Variants in RBBP4 observed in about 807,000 individuals in gnomAD.
The protein encoded by RBBP4 is RB binding protein 4, chromatin remodeling factor, also known as histone-binding protein RBBP4.
In RBBP4, 3 loss-of-function variants were observed where a neutral mutation model predicts 57.2. That is an observed-to-expected ratio of 0.05 (90% CI 0.02 to 0.14). The LOEUF (loss-of-function observed/expected upper bound fraction) is 0.14. Ranked by LOEUF, RBBP4 falls within the 10% of genes least tolerant of loss-of-function variation. RBBP4 has a pLI of 1.00. For missense variants in RBBP4, 107 were observed against 520.6 expected (o/e 0.21, Z 7.73); for synonymous variants, 151 against 171.5 (o/e 0.88, Z 0.93).
rs1195386125 is a variant in RBBP4 at position 32,683,897 on chromosome 1, T to C, written c.*4192T>C. On this transcript the variant is annotated 3_prime_UTR_variant, in exon 12 of 12. Coordinates refer to ENST00000373493, the MANE Select transcript of RBBP4 (RefSeq NM_005610.3). ...ATCCACCCTCCTCAGCCTCCCAAAG[T>C]GCTAGGATTACAGGCGTGAGCCACC... 1 of 1,007,528 alleles carries C rather than the reference T, an allele frequency of 9.9e-7. No homozygotes were observed. Among genetic ancestry groups the C allele is most frequent in the Admixed American group, 2.0e-5 (1 of 49,438 alleles). 62.4% of individuals were successfully genotyped at this position (1,007,528 alleles called of 1,614,324 possible).
At position 32,685,563 on chromosome 1, in the gene RBBP4, C is replaced by G. The variant is rs1391278394; in HGVS notation, c.*5858C>G. On this transcript the variant is annotated 3_prime_UTR_variant, in exon 12 of 12. Coordinates refer to ENST00000373493, the MANE Select transcript of RBBP4 (RefSeq NM_005610.3). ...GTCATACTTGACATTGTACCTGTGGCACATCAATCCGCACTGTTTGATACT... is the reference window on the plus strand; with the variant it reads ...GTCATACTTGACATTGTACCTGTGGGACATCAATCCGCACTGTTTGATACT... The G allele has an allele frequency of 6.6e-6, 1 of 152,182 alleles. No homozygotes were observed. The highest frequency in any genetic ancestry group is 1.5e-5 in the Non-Finnish European group (1 of 68,050). 9.4% of individuals were successfully genotyped at this position (152,182 alleles called of 1,614,324 possible).
At chr1:32,675,626 G>A (rs566733950) in intron 11 of RBBP4, among the ~76,000 whole-genome samples, 2 of 151,628 alleles carry the variant, frequency 1.3e-5, no homozygotes, top group Non-Finnish European at 1.5e-5. Context: ...AAAATTAGCC[G>A]GGCGTGGTGG....
intron 11 of RBBP4, among the ~76,000 whole-genome samples, chr1:32,674,731 A>G (rs1441870736): frequency 4.9e-5 from 7 of 143,594 alleles, no homozygotes; most frequent in Non-Finnish European, 1.1e-4. Context: ...TTTTTTTTTA[A>G]TTTTTTTTTT....
Position 32,681,630 on chromosome 1 carries a change from A to G in RBBP4, c.*1925A>G, listed in dbSNP as rs1649441613. 1.5e-6 allele frequency: 1 copy of G among 650,414 alleles called. No homozygotes were observed. Among genetic ancestry groups the G allele is most frequent in the East Asian group, 2.8e-5 (1 of 36,334 alleles). 40.3% of individuals were successfully genotyped at this position (650,414 alleles called of 1,614,324 possible). On this transcript the variant is annotated 3_prime_UTR_variant, in exon 12 of 12. Coordinates refer to ENST00000373493, the MANE Select transcript of RBBP4 (RefSeq NM_005610.3). The stretch of plus-strand genomic sequence containing the variant: ...GCATTGAGATCAGTATCAACAGCAG[A>G]TGAAATAGAATCCAGCAAAGAGTTG...
chr1:32,653,637 G>GTTT lies in RBBP4; in HGVS notation c.164+1596_164+1598dup, dbSNP rs1053666893. Among the ~76,000 whole-genome samples the GTTT allele has an allele frequency of 1.8e-3, 37 of 20,780 alleles. 1 individual carries two copies. Among genetic ancestry groups the GTTT allele is most frequent in the South Asian group, 5.0e-3 (1 of 200 alleles). 13.6% of individuals were successfully genotyped at this position (20,780 alleles called of 152,430 possible). ...TGCTTTGTGTGTTTTTTGTTTTCTG[G>GTTT]TTTTTTTTTTTTTTTTTTTTTTGTT... On this transcript the variant is annotated intron_variant, in intron 2 of 11. Transcript: ENST00000373493.
intron 11 of RBBP4, among the ~76,000 whole-genome samples, chr1:32,675,742 C>T (rs1201292900): frequency 1.3e-5 from 2 of 151,894 alleles, no homozygotes; most frequent in Non-Finnish European, 2.9e-5. Context: ...GCACTCTAGC[C>T]TGGGTGACAG....
At chr1:32,665,090 A>G (rs1648587261) in intron 3 of RBBP4, among the ~76,000 whole-genome samples, 1 of 140,862 alleles carries the variant, frequency 7.1e-6, no homozygotes, top group Admixed American at 8.2e-5. Context: ...AAAAAAACTT[A>G]TGTGTGACGC....
At position 32,669,431 on chromosome 1, in the gene RBBP4, A is replaced by G. The variant is rs1648778369; in HGVS notation, c.889-55A>G. 1 of 1,565,594 alleles carries G rather than the reference A, an allele frequency of 6.4e-7. No homozygotes were observed. Among genetic ancestry groups the G allele is most frequent in the Non-Finnish European group, 8.6e-7 (1 of 1,163,414 alleles). On this transcript the variant is annotated intron_variant, in intron 7 of 11. Transcript: ENST00000373493. This position sits in a 1 kb window ranked among gnomAD's most constrained non-coding sequence, Gnocchi z 4.9. ...TGAATTGCAGAGATATTTTACTTAC[A>G]GTATTTTTTTTTTCTTAAAAAATTG...
At position 32,669,617 on chromosome 1, in the gene RBBP4, G is replaced by A. The variant is rs576948699; in HGVS notation, c.966+54G>A. Reference sequence around the variant, plus strand: ...TTGTTTTAAGAAAAACCTGCTGGGCGCGGTCGCTCACGCCTGTAATCCCAG... The same window carrying A: ...TTGTTTTAAGAAAAACCTGCTGGGCACGGTCGCTCACGCCTGTAATCCCAG... On this transcript the variant is annotated intron_variant, in intron 8 of 11. Transcript: ENST00000373493. This position sits in a 1 kb window ranked among gnomAD's most constrained non-coding sequence, Gnocchi z 4.9. The A allele has an allele frequency of 4.5e-5, 71 of 1,564,978 alleles. No individual in the cohort carries two copies. The Admixed American group carries it at 6.8e-4, about 15-fold the overall frequency.
At chr1:32,668,486 G>A (rs964350897) in intron 4 of RBBP4, 88 bp downstream of exon 4, 3 of 1,313,378 alleles carry the variant, frequency 2.3e-6, no homozygotes, top group Non-Finnish European at 3.2e-6. Flanking sequence ...ATGTTACTCT[G>A]TGTAATTTAA....
chr1:32,668,958 A>G lies in RBBP4; in HGVS notation c.601-14A>G. On this transcript the variant is annotated splice_polypyrimidine_tract_variant and intron_variant, in intron 5 of 11. Transcript: ENST00000373493. Reference sequence around the variant, plus strand: ...GAATCTTCCTTTTATATAATGGTTAATTTTACATTTAAGACCATCTGCCTG... The same window carrying G: ...GAATCTTCCTTTTATATAATGGTTAGTTTTACATTTAAGACCATCTGCCTG... 1.2e-6 allele frequency: 2 copies of G among 1,613,926 alleles called. No homozygotes were observed. Among genetic ancestry groups the G allele is most frequent in the African/African-American group, 1.3e-5 (1 of 74,984 alleles).
chr1:32,662,281 G>C (rs1404281693), intron 3 of RBBP4: 2 of 279,924 alleles, frequency 7.1e-6, no homozygotes, highest in Non-Finnish European at 1.6e-5. Context: ...TGCAGCCTCC[G>C]CCTCCTGGGT....
At chr1:32,676,370 C>T (rs1570871991) in intron 11 of RBBP4, among the ~76,000 whole-genome samples, 1 of 151,910 alleles carries the variant, frequency 6.6e-6, no homozygotes, top group Admixed American at 6.6e-5. Flanking sequence ...TTTGGGAGGC[C>T]GAGGTGGGCA....
At position 32,684,403 on chromosome 1, in the gene RBBP4, C is replaced by T. The variant is rs375672500; in HGVS notation, c.*4698C>T. ...TGTTCCTGCATGAGATGGCCAAGAA[C>T]ATTTCTAATGAGCCAAACAATAAAA... On this transcript the variant is annotated 3_prime_UTR_variant, in exon 12 of 12. Transcript: ENST00000373493. 6.6e-5 allele frequency: 107 copies of T among 1,613,912 alleles called. No homozygotes were observed. Among genetic ancestry groups the T allele is most frequent in the Non-Finnish European group, 8.6e-5 (102 of 1,179,988 alleles).
Position 32,672,657 on chromosome 1 carries a change from A to G in RBBP4, c.1059A>G (p.Glu353=). The part of the protein sequence containing the change: ...NVWDLSKIGE[E]QSPEDAEDGP... ...TTTGTACTAGTAAAATTGGAGAGGA[A>G]CAATCCCCAGAAGATGCAGAAGACG... Residue 353 remains glutamate, a synonymous_variant, in exon 10 of 12, where the codon GAA becomes GAG. Transcript: ENST00000373493. 6.2e-7 allele frequency: 1 copy of G among 1,614,094 alleles called. No homozygotes were observed. The highest frequency in any genetic ancestry group is 8.5e-7 in the Non-Finnish European group (1 of 1,179,924).
intron 3 of RBBP4, among the ~76,000 whole-genome samples, chr1:32,662,968 C>T (rs1461584626): frequency 2.0e-5 from 3 of 151,808 alleles, no homozygotes; most frequent in Non-Finnish European, 4.4e-5. Context: ...GCCTGGGTGA[C>T]GAGCAAGACT....
At chr1:32,672,959 T>C (rs1361140376) in intron 11 of RBBP4, 58 bp downstream of exon 11, 4 of 1,330,366 alleles carry the variant, frequency 3.0e-6, no homozygotes, top group Non-Finnish European at 4.3e-6. Flanking sequence ...AGAATCAATT[T>C]ACATTTGTAT....
At position 32,651,229 on chromosome 1, in the gene RBBP4, C is replaced by G; in HGVS notation, c.-78C>G. 2.0e-6 allele frequency: 3 copies of G among 1,503,518 alleles called. No individual in the cohort carries two copies. Among genetic ancestry groups the G allele is most frequent in the African/African-American group, 1.4e-5 (1 of 68,970 alleles). 93.1% of individuals were successfully genotyped at this position (1,503,518 alleles called of 1,614,324 possible). A position where few individuals can be genotyped will look rare whatever the true frequency, so the allele number is the denominator to read the frequency against. On this transcript the variant is annotated 5_prime_UTR_variant, in exon 1 of 12. Transcript: ENST00000373493. ...CGCAGGAAACAATAGAGGCCGCGCGCACAGAGCGAGCTCTTGCAGCCTCCC... is the reference window on the plus strand; with the variant it reads ...CGCAGGAAACAATAGAGGCCGCGCGGACAGAGCGAGCTCTTGCAGCCTCCC...
chr1:32,678,242 G>T (rs967565195), intron 11 of RBBP4, among the ~76,000 whole-genome samples: 3 of 151,760 alleles, frequency 2.0e-5, no homozygotes. Flanking sequence ...TTGGACCCCT[G>T]TTTTTTTTAG....
Sources: allele counts gnomAD v4.1 joint callset (sites outside exome capture counted in the v4.1 genomes callset), GRCh38; gene constraint gnomAD v4.1.1; non-coding constraint Gnocchi (gnomAD v3.1); transcripts MANE v1.5; gene names NCBI Gene and HGNC (gene_info 2026-07-23, HGNC 2026-07-21).